Variants in CEP128 observed in about 807,000 individuals in gnomAD.
CEP128 encodes centrosomal protein 128kDa.
A neutral mutation model predicts 156.7 loss-of-function variants in CEP128; 132 were observed. The observed-to-expected ratio is 0.84, with a 90% CI of 0.73 to 0.97. The LOEUF (loss-of-function observed/expected upper bound fraction) is 0.97. CEP128 is among the 50% of genes least tolerant of loss of function. The probability of loss-of-function intolerance (pLI) is 0.00; values close to 1 mark genes in which losing one functional copy is unlikely to be tolerated. For synonymous variants in CEP128, 469 were observed against 448.9 expected (o/e 1.04, Z -0.57); for missense variants, 1,252 against 1,281.9 (o/e 0.98, Z 0.36).
intron 16 of CEP128, among the ~76,000 whole-genome samples, chr14:80,766,148 T>C (rs971418875): frequency 6.6e-6 from 1 of 152,202 alleles, no homozygotes; most frequent in African/African-American, 2.4e-5. Flanking sequence ...AGTACCTGTG[T>C]ACACATAAAA....
chr14:80,908,930 C>T (rs1024089752), intron 4 of CEP128, among the ~76,000 whole-genome samples: 37 of 152,152 alleles, frequency 2.4e-4, no homozygotes, highest in Non-Finnish European at 1.9e-4. Context: ...TTCCAATTCA[C>T]CACTTTGCCT....
intron 19 of CEP128, among the ~76,000 whole-genome samples, chr14:80,619,310 G>C (rs751463108): frequency 6.7e-6 from 1 of 150,002 alleles, no homozygotes; most frequent in Non-Finnish European, 1.5e-5. Context: ...CAAAACATAA[G>C]ATAACAGAAC....
chr14:80,743,007 T>C, intron 19 of CEP128, 68 bp downstream of exon 19: 2 of 1,449,198 alleles, frequency 1.4e-6, no homozygotes, highest in Non-Finnish European at 9.6e-7. Flanking sequence ...AGTAGGTTTT[T>C]TTCCAATCCT....
Position 80,504,894 on chromosome 14 carries a change from CAA to C in CEP128, c.3181+16_3181+17del. On this transcript the variant is annotated intron_variant, in intron 24 of 24. Transcript: ENST00000555265. ...CTTAAATCTAATTTAAAAATGGGTA[CAA>C]GACTTCATTACTTACAGTTCACGTA... The C allele has an allele frequency of 7.4e-7, 1 of 1,347,696 alleles. No homozygotes were observed. Among genetic ancestry groups the C allele is most frequent in the Non-Finnish European group, 1.0e-6 (1 of 969,254 alleles). The allele number at this position is 1,347,696 out of a possible 1,614,324, so 83.5% of individuals were successfully genotyped here. A position where few individuals can be genotyped will look rare whatever the true frequency, so the allele number is the denominator to read the frequency against.
At chr14:80,479,939 A>C (rs953388630) in intron 14 of CEP128, among the ~76,000 whole-genome samples, 1 of 152,196 alleles carries the variant, frequency 6.6e-6, no homozygotes, top group Non-Finnish European at 1.5e-5. Flanking sequence ...AAGCTCCAAA[A>C]TGATCTCCTT....
chr14:80,483,324 A>G (rs1709901697), intron 14 of CEP128, among the ~76,000 whole-genome samples: 1 of 152,224 alleles, frequency 6.6e-6, no homozygotes, highest in African/African-American at 2.4e-5. Flanking sequence ...ACTTGCACAA[A>G]CACAAAAGAA....
chr14:80,674,855 A>T (rs1895996754), intron 19 of CEP128, among the ~76,000 whole-genome samples: 1 of 152,092 alleles, frequency 6.6e-6, no homozygotes, highest in Middle Eastern at 3.2e-3. Flanking sequence ...CTATAAAATA[A>T]CCCATACATC....
In CEP128 at chr14:80,534,103, T is replaced by G. The variant is rs1278215987; in HGVS notation, c.2881-3217A>C. Reference sequence around the variant, plus strand: ...GTCTCAGGTCTCATAATTTCATGATTAAGTGATATTTTTTGGGAGAAAAAT... The same window carrying G: ...GTCTCAGGTCTCATAATTTCATGATGAAGTGATATTTTTTGGGAGAAAAAT... On this transcript the variant is annotated intron_variant, in intron 21 of 24. Coordinates refer to ENST00000555265, the MANE Select transcript of CEP128 (RefSeq NM_152446.5). Among the ~76,000 whole-genome samples the G allele has an allele frequency of 3.3e-5, 5 of 152,138 alleles. No individual in the cohort carries two copies. In the East Asian group the frequency reaches 9.6e-4, roughly 29 times the overall value.
At chr14:80,647,263 T>G (rs2140830510) in intron 19 of CEP128, among the ~76,000 whole-genome samples, 1 of 151,576 alleles carries the variant, frequency 6.6e-6, no homozygotes, top group Non-Finnish European at 1.5e-5. Flanking sequence ...TGCAATCTGC[T>G]TTTTTTCTAC....
intron 20 of CEP128, among the ~76,000 whole-genome samples, chr14:80,561,320 A>T (rs1202385998): frequency 6.6e-6 from 1 of 152,224 alleles, no homozygotes; most frequent in Non-Finnish European, 1.5e-5. Flanking sequence ...TTCATAAAAT[A>T]ACTGCTATGT....
intron 19 of CEP128, among the ~76,000 whole-genome samples, chr14:80,636,451 C>A (rs1232269989): frequency 6.6e-6 from 1 of 152,150 alleles, no homozygotes; most frequent in Non-Finnish European, 1.5e-5. Flanking sequence ...TCTCATTTTC[C>A]TGCTTTTTTT....
At chr14:80,480,006 T>C (rs1053165850) in intron 14 of CEP128, among the ~76,000 whole-genome samples, 2 of 152,212 alleles carry the variant, frequency 1.3e-5, no homozygotes, top group African/African-American at 4.8e-5. Context: ...TGCCATGGTC[T>C]TGGGCAGCTC....
At chr14:80,895,670 C>T in intron 8 of CEP128, 48 bp downstream of exon 8, 1 of 1,303,032 alleles carries the variant, frequency 7.7e-7, no homozygotes, top group Non-Finnish European at 1.1e-6. Context: ...CCAGCCTACC[C>T]ATCCTCTACA....
intron 19 of CEP128, among the ~76,000 whole-genome samples, chr14:80,650,571 T>TAC (rs1398016632): frequency 6.6e-6 from 1 of 152,166 alleles, no homozygotes; most frequent in African/African-American, 2.4e-5. Flanking sequence ...AAATAGCTCT[T>TAC]ATTATTTTGA....
chr14:80,676,255 T>G (rs1381517529), intron 19 of CEP128, among the ~76,000 whole-genome samples: 3 of 152,134 alleles, frequency 2.0e-5, no homozygotes, highest in Non-Finnish European at 4.4e-5. Flanking sequence ...AAGTTTTGTG[T>G]AGGTACACAT....
intron 18 of CEP128, among the ~76,000 whole-genome samples, chr14:80,750,296 T>G (rs778149366): frequency 6.6e-6 from 1 of 152,246 alleles, no homozygotes; most frequent in African/African-American, 2.4e-5. Context: ...AAGAATGGAC[T>G]GGACCGTGTC....
intron 16 of CEP128, among the ~76,000 whole-genome samples, chr14:80,770,314 T>C (rs1900451529): frequency 6.6e-6 from 1 of 152,250 alleles, no homozygotes; most frequent in Non-Finnish European, 1.5e-5. Context: ...AGCTGTGTTC[T>C]AATTCAGAAA....
chr14:80,904,367 G>T (rs887303656), intron 6 of CEP128, among the ~76,000 whole-genome samples: 1 of 151,994 alleles, frequency 6.6e-6, no homozygotes, highest in South Asian at 2.1e-4. Flanking sequence ...AGAGAAAGGG[G>T]AGTTGTTGAT....
chr14:80,601,500 C>G (rs1181241255), intron 19 of CEP128, among the ~76,000 whole-genome samples: 1 of 152,038 alleles, frequency 6.6e-6, no homozygotes, highest in Non-Finnish European at 1.5e-5. Flanking sequence ...TTTGGGGGGA[C>G]CACATTCAAA....
Sources: gnomAD v4.1 joint callset for allele counts (sites outside exome capture counted in the v4.1 genomes callset) on GRCh38, gnomAD v4.1.1 for gene constraint, MANE v1.5 for transcripts, NCBI Gene and HGNC (gene_info 2026-07-23, HGNC 2026-07-21) for gene names.